Variants in RTL4 observed in about 807,000 individuals in gnomAD.
RTL4 encodes retrotransposon Gag-like protein 4.
RTL4 carries 4 observed loss-of-function variants against 5.3 expected under a neutral mutation model. The ratio of observed to expected loss-of-function variants is 0.75; its 90% CI spans 0.37 to 1.72. The LOEUF is 1.72. Ranked by LOEUF, RTL4 falls within the 40% of genes most tolerant of loss-of-function variation. RTL4 has a pLI of 0.04. For synonymous variants in RTL4, 98 were observed against 87.3 expected (o/e 1.12, Z -0.68); for missense variants, 260 against 227.1 (o/e 1.14, Z -0.93).
At chrX:112,285,615 A>T in the RTL4 span, among the ~76,000 whole-genome samples, 2 of 111,852 alleles carry the variant, frequency 1.8e-5, no homozygotes, top group African/African-American at 6.5e-5. Context: ...GGTATTCATC[A>T]TATCAGTCTT....
At chrX:112,383,362 T>C in the RTL4 span, among the ~76,000 whole-genome samples, 8 of 111,537 alleles carry the variant, frequency 7.2e-5, no homozygotes, top group African/African-American at 2.6e-4. Flanking sequence ...TCCCAGAAAT[T>C]GTTAGTGATG....
the RTL4 span, among the ~76,000 whole-genome samples, chrX:112,350,332 G>C: frequency 9.3e-6 from 1 of 107,840 alleles, no homozygotes; most frequent in African/African-American, 3.4e-5. Flanking sequence ...TCTCTTTTTT[G>C]GTTGTGTCTC....
chrX:112,328,157 T>C, the RTL4 span, among the ~76,000 whole-genome samples: 5 of 108,588 alleles, frequency 4.6e-5, no homozygotes, highest in Non-Finnish European at 9.5e-5. Flanking sequence ...CACATAACAA[T>C]ATTAATTTTA....
chrX:112,267,434 T>C, the RTL4 span, among the ~76,000 whole-genome samples: 5 of 112,137 alleles, frequency 4.5e-5, no homozygotes, highest in East Asian at 1.4e-3. Context: ...TCTCCTATCT[T>C]ACTGGTTGTT....
the RTL4 span, among the ~76,000 whole-genome samples, chrX:112,128,972 A>G: frequency 8.9e-6 from 1 of 111,839 alleles, no homozygotes; most frequent in South Asian, 3.7e-4. Context: ...ATGTATAAAG[A>G]ACACTTAGAA....
chrX:112,326,458 A>AG, the RTL4 span, among the ~76,000 whole-genome samples: 12 of 111,838 alleles, frequency 1.1e-4, no homozygotes, highest in South Asian at 4.5e-3. Flanking sequence ...GCTTAAAAAA[A>AG]CGGCGCACCA....
the RTL4 span, among the ~76,000 whole-genome samples, chrX:112,105,670 A>G: frequency 9.1e-6 from 1 of 110,469 alleles, no homozygotes; most frequent in Admixed American, 9.6e-5. Flanking sequence ...TATTTTCTTG[A>G]TTTTCTCTCT....
At chrX:112,327,085 A>G in the RTL4 span, among the ~76,000 whole-genome samples, 1 of 112,361 alleles carries the variant, frequency 8.9e-6, no homozygotes, top group Non-Finnish European at 1.9e-5. Flanking sequence ...TGGAAACTCT[A>G]AAAAGCAGAG....
the RTL4 span, among the ~76,000 whole-genome samples, chrX:112,369,662 C>A: frequency 8.9e-6 from 1 of 111,849 alleles, no homozygotes; most frequent in Non-Finnish European, 1.9e-5. Flanking sequence ...TTTACAGTGC[C>A]CACTACGTGG....
chrX:112,207,318 C>G, the RTL4 span, among the ~76,000 whole-genome samples: 7 of 111,461 alleles, frequency 6.3e-5, no homozygotes, highest in African/African-American at 2.0e-4. Context: ...CATCACCTTT[C>G]TGGGGGATTT....
At chrX:112,336,047 G>A in the RTL4 span, among the ~76,000 whole-genome samples, 2 of 109,792 alleles carry the variant, frequency 1.8e-5, no homozygotes, top group Admixed American at 9.8e-5. Context: ...GTTTCATTTC[G>A]GCCTCCCAAA....
chrX:112,381,607 A>G, the RTL4 span: 2 of 1,193,074 alleles, frequency 1.7e-6, no homozygotes, highest in Non-Finnish European at 2.3e-6. Flanking sequence ...AGCGAAGAAG[A>G]CAAGAATCAG....
the RTL4 span, among the ~76,000 whole-genome samples, chrX:112,170,906 T>G: frequency 8.9e-6 from 1 of 111,846 alleles, no homozygotes; most frequent in African/African-American, 3.3e-5. Flanking sequence ...CTCTCATTAT[T>G]TTGATGTATG....
chrX:112,313,692 T>C, the RTL4 span, among the ~76,000 whole-genome samples: 8 of 109,416 alleles, frequency 7.3e-5, no homozygotes, highest in South Asian at 2.0e-3. Flanking sequence ...GAGGGTTAGA[T>C]TGAAAAAGGT....
At chrX:112,438,273 A>T in the RTL4 span, among the ~76,000 whole-genome samples, 1 of 111,366 alleles carries the variant, frequency 9.0e-6, no homozygotes, top group African/African-American at 3.3e-5. Flanking sequence ...AGGCAAGTTG[A>T]TGCTGGCTAT....
At chrX:112,114,140 GA>G in the RTL4 span, among the ~76,000 whole-genome samples, 1 of 111,655 alleles carries the variant, frequency 9.0e-6, no homozygotes, top group Non-Finnish European at 1.9e-5. Context: ...GAGGAAGGCA[GA>G]AGGATTTGCT....
At chrX:112,258,205 T>C in the RTL4 span, among the ~76,000 whole-genome samples, 2 of 110,606 alleles carry the variant, frequency 1.8e-5, no homozygotes, top group African/African-American at 6.6e-5. Context: ...TTTAATGAAA[T>C]TGGTGCATAC....
At chrX:112,169,809 A>C in the RTL4 span, among the ~76,000 whole-genome samples, 1 of 111,756 alleles carries the variant, frequency 8.9e-6, no homozygotes, top group Admixed American at 9.5e-5. Flanking sequence ...CTATTATTAC[A>C]TTGCTGATGA....
the RTL4 span, among the ~76,000 whole-genome samples, chrX:112,155,282 C>T: frequency 1.8e-5 from 2 of 110,391 alleles, no homozygotes; most frequent in Admixed American, 9.8e-5. Flanking sequence ...ATCTTATTCC[C>T]TGGCTTTTCT....
Sources: gnomAD v4.1 joint callset for allele counts (sites outside exome capture counted in the v4.1 genomes callset) on GRCh38, gnomAD v4.1.1 for gene constraint, MANE v1.5 for transcripts, NCBI Gene and HGNC (gene_info 2026-07-23, HGNC 2026-07-21) for gene names.